The following STARD13 variants were observed in gnomAD, a reference collection of about 807,000 sequenced individuals.
STARD13 encodes the protein StAR related lipid transfer domain containing 13, also known as stAR-related lipid transfer protein 13.
Under a neutral mutation model 106.4 loss-of-function variants are expected in STARD13, and 62 were observed. The observed-to-expected ratio is 0.58, with a 90% CI of 0.48 to 0.72. STARD13 has a LOEUF of 0.72. Ranked by LOEUF, STARD13 falls within the 30% of genes least tolerant of loss-of-function variation. The probability of loss-of-function intolerance (pLI) is 0.00; values close to 1 mark genes in which losing one functional copy is unlikely to be tolerated. For synonymous variants in STARD13, 565 were observed against 553.0 expected (o/e 1.02, Z -0.31); for missense variants, 1,387 against 1,424.0 (o/e 0.97, Z 0.42).
chr13:33,167,375 C>A (rs1883441187), intron 2 of STARD13, among the ~76,000 whole-genome samples, 176 bp downstream of exon 2: 1 of 151,956 alleles, frequency 6.6e-6, no homozygotes, highest in African/African-American at 2.4e-5. Context: ...AAGTGATATT[C>A]ATTTCTAAAT....
chr13:33,580,278 G>GA, the STARD13 span, among the ~76,000 whole-genome samples: 15 of 151,874 alleles, frequency 9.9e-5, no homozygotes, highest in African/African-American at 3.4e-4. Flanking sequence ...ACTGCCGAGT[G>GA]AAAAAAAGGG....
chr13:33,552,913 C>T, the STARD13 span, among the ~76,000 whole-genome samples: 2 of 151,970 alleles, frequency 1.3e-5, no homozygotes, highest in African/African-American at 4.8e-5. Flanking sequence ...CACAAAAATT[C>T]ACAGAATATT....
intron 4 of STARD13, among the ~76,000 whole-genome samples, chr13:33,137,515 A>G (rs1485262992): frequency 6.6e-6 from 1 of 152,218 alleles, no homozygotes; most frequent in African/African-American, 2.4e-5. Flanking sequence ...TTCACCAGGG[A>G]AAAAAGCTAG....
the STARD13 span, among the ~76,000 whole-genome samples, chr13:33,464,037 A>ATATATGTATATG: frequency 7.3e-3 from 1,027 of 141,018 alleles, 20 homozygotes; most frequent in African/African-American, 0.025. Flanking sequence ...ATATATATAT[A>ATATATGTATATG]TATATGTATA....
the STARD13 span, among the ~76,000 whole-genome samples, chr13:33,390,775 G>A: frequency 8.5e-5 from 13 of 152,170 alleles, no homozygotes; most frequent in Non-Finnish European, 1.3e-4. Flanking sequence ...AACCCTATCC[G>A]TCATTAAGAT....
the STARD13 span, among the ~76,000 whole-genome samples, chr13:33,407,127 C>A: frequency 3.5e-4 from 54 of 152,318 alleles, no homozygotes; most frequent in East Asian, 9.8e-3. Context: ...CACGGTCCAG[C>A]AGCACGCATG....
At chr13:33,474,155 A>G in the STARD13 span, among the ~76,000 whole-genome samples, 1 of 152,114 alleles carries the variant, frequency 6.6e-6, no homozygotes, top group Admixed American at 6.6e-5. Context: ...GTTGAATGGG[A>G]AAGCAAGATG....
At chr13:33,609,108 AT>A in the STARD13 span, among the ~76,000 whole-genome samples, 58 of 150,598 alleles carry the variant, frequency 3.9e-4, no homozygotes, top group South Asian at 4.2e-4. Context: ...AAAAAAAAAA[AT>A]ATTGATACAT....
Position 33,232,404 on chromosome 13 carries a change from AT to A in STARD13, c.169+53065del, listed in dbSNP as rs551850663. ...TTGTACGGTTATTCTTTTATTTTTA[AT>A]TTTTTTTCAAATATTTTTATCTGGG... is the stretch of plus-strand genomic sequence containing the variant. On this transcript the variant is annotated intron_variant, in intron 1 of 13. Coordinates refer to ENST00000336934, the MANE Select transcript of STARD13 (RefSeq NM_178006.4). 1.4e-4 allele frequency among the ~76,000 whole-genome samples: 22 copies of A among 152,144 alleles called. No individual in the cohort carries two copies. The East Asian group carries it at 2.1e-3, about 15-fold the overall frequency.
At chr13:33,491,829 C>G in the STARD13 span, among the ~76,000 whole-genome samples, 1 of 151,962 alleles carries the variant, frequency 6.6e-6, no homozygotes, top group African/African-American at 2.4e-5. Context: ...AATGCAAGAA[C>G]CTCTGGTAGT....
At chr13:33,464,717 C>T in the STARD13 span, among the ~76,000 whole-genome samples, 16 of 152,114 alleles carry the variant, frequency 1.1e-4, no homozygotes, top group East Asian at 7.7e-4. Flanking sequence ...GGTGTGGTGG[C>T]GGGCACCTGT....
chr13:33,492,518 G>T, the STARD13 span, among the ~76,000 whole-genome samples: 23 of 152,116 alleles, frequency 1.5e-4, no homozygotes, highest in African/African-American at 5.1e-4. Context: ...GATAAAACAG[G>T]TTGCAGTAAA....
At chr13:33,251,679 T>A (rs1445356879) in intron 1 of STARD13, among the ~76,000 whole-genome samples, 2 of 152,238 alleles carry the variant, frequency 1.3e-5, no homozygotes, top group Admixed American at 1.3e-4. Context: ...AGAAAATACA[T>A]ATGTCTAATT....
Position 33,329,704 on chromosome 13 carries a change from CT to C in STARD13, c.124+20585del, listed in dbSNP as rs1270014763. On this transcript the variant is annotated intron_variant, in intron 1 of 5. Transcript: ENST00000567873. Reference sequence around the variant, plus strand: ...GTGATTGTATAAAATCACTTTCTTTCTTTTTTTTTTTTTTTTTGAGACAGAA... The same window carrying C: ...GTGATTGTATAAAATCACTTTCTTTCTTTTTTTTTTTTTTTTGAGACAGAA... 6.6e-3 allele frequency among the ~76,000 whole-genome samples: 838 copies of C among 126,258 alleles called. 7 individuals are homozygous for C. Among genetic ancestry groups the C allele is most frequent in the African/African-American group, 0.018 (612 of 34,364 alleles). 82.8% of individuals were successfully genotyped at this position (126,258 alleles called of 152,430 possible).
rs891621202 is a variant in STARD13, at chr13:33,103,515, C to T, written c.*2078G>A. ...GTTCTTATTCTGTTTTAGGGATCTT[C>T]TAGGTCCTCGTTTCTGAGTGTGGTT... On this transcript the variant is annotated 3_prime_UTR_variant, in exon 14 of 14. Coordinates refer to ENST00000336934, the MANE Select transcript of STARD13 (RefSeq NM_178006.4). The T allele has an allele frequency of 1.3e-5, 2 of 152,748 alleles. No homozygotes were observed. Among genetic ancestry groups the T allele is most frequent in the South Asian group, 2.1e-4 (1 of 4,820 alleles). 9.5% of individuals were successfully genotyped at this position (152,748 alleles called of 1,614,324 possible).
chr13:33,452,040 T>C, the STARD13 span, among the ~76,000 whole-genome samples: 1 of 152,178 alleles, frequency 6.6e-6, no homozygotes, highest in Non-Finnish European at 1.5e-5. Context: ...AATGCTGGCC[T>C]TAGGAGGTAC....
At chr13:33,140,805 C>T (rs1252204420) in intron 4 of STARD13, among the ~76,000 whole-genome samples, 4 of 149,360 alleles carry the variant, frequency 2.7e-5, no homozygotes, top group African/African-American at 1.0e-4. Flanking sequence ...CTCTGTCAGG[C>T]TGGAGTGCAG....
the STARD13 span, among the ~76,000 whole-genome samples, chr13:33,570,801 A>G: frequency 6.6e-6 from 1 of 152,178 alleles, no homozygotes; most frequent in Non-Finnish European, 1.5e-5. Context: ...GTCATGTCAC[A>G]CATATGGAGT....
At chr13:33,463,965 C>T in the STARD13 span, among the ~76,000 whole-genome samples, 2 of 149,248 alleles carry the variant, frequency 1.3e-5, no homozygotes, top group Non-Finnish European at 3.0e-5. Context: ...GAGCAGAGAT[C>T]GTGCCATTGC....
Sources: allele counts gnomAD v4.1 joint callset (sites outside exome capture counted in the v4.1 genomes callset), GRCh38; gene constraint gnomAD v4.1.1; transcripts MANE v1.5; gene names NCBI Gene and HGNC (gene_info 2026-07-23, HGNC 2026-07-21).